KIAA1328: variants seen among roughly 807,000 people sequenced by gnomAD.
The protein encoded by KIAA1328 is protein hinderin.
A neutral mutation model predicts 68.1 loss-of-function variants in KIAA1328; 52 were observed. The ratio of observed to expected loss-of-function variants is 0.76; its 90% CI spans 0.61 to 0.96. KIAA1328 has a LOEUF of 0.96. Among genes scored for constraint, KIAA1328 ranks in the 40% least tolerant of loss-of-function variants. KIAA1328 has a pLI of 0.00. For synonymous variants in KIAA1328, 232 were observed against 239.4 expected, an observed-to-expected ratio of 0.97 and a Z score of 0.28; for missense variants, 641 against 677.6, an observed-to-expected ratio of 0.95 and a Z score of 0.60.
At chr18:37,196,006 G>A (rs2059997133) in intron 9 of KIAA1328, among the ~76,000 whole-genome samples, 1 of 151,952 alleles carries the variant, frequency 6.6e-6, no homozygotes, top group Admixed American at 6.6e-5. Context: ...TCCTTATAGA[G>A]ATCTTTCTTT....
chr18:37,190,620 AAG>A (rs1409097482), intron 9 of KIAA1328, among the ~76,000 whole-genome samples: 1 of 152,200 alleles, frequency 6.6e-6, no homozygotes, highest in Non-Finnish European at 1.5e-5. Context: ...TGAGCTAAGA[AAG>A]AGAGAAAGTT....
intron 7 of KIAA1328, among the ~76,000 whole-genome samples, chr18:37,088,608 A>G (rs1311757445): frequency 1.3e-5 from 2 of 151,872 alleles, no homozygotes; most frequent in East Asian, 1.9e-4. Flanking sequence ...GTTTATCTGT[A>G]TCTTTACTGA....
chr18:37,117,945 T>C (rs1408760007), intron 7 of KIAA1328, among the ~76,000 whole-genome samples: 1 of 151,068 alleles, frequency 6.6e-6, no homozygotes, highest in African/African-American at 2.4e-5. Context: ...CTTATAGCTC[T>C]TATAGTCCCC....
chr18:37,016,582 A>G (rs774460659), intron 6 of KIAA1328, among the ~76,000 whole-genome samples: 10 of 152,076 alleles, frequency 6.6e-5, no homozygotes, highest in Admixed American at 2.6e-4. Flanking sequence ...CTGTGAATCC[A>G]TCTGGTCTGG....
intron 5 of KIAA1328, among the ~76,000 whole-genome samples, chr18:36,928,754 C>T (rs543490884): frequency 5.9e-5 from 9 of 152,224 alleles, no homozygotes; most frequent in African/African-American, 2.2e-4. Context: ...GTTCTTTGAG[C>T]TTCTTTGGTC....
chr18:37,219,298 C>T (rs1272562355), intron 9 of KIAA1328, among the ~76,000 whole-genome samples: 1 of 152,234 alleles, frequency 6.6e-6, no homozygotes, highest in African/African-American at 2.4e-5. Flanking sequence ...CAGGGACCCA[C>T]TTGAGGCAGT....
chr18:37,056,446 T>C (rs2055910545), intron 6 of KIAA1328, among the ~76,000 whole-genome samples: 1 of 152,072 alleles, frequency 6.6e-6, no homozygotes. Context: ...CTTTTGTCAT[T>C]AGTTTCTTTT....
chr18:36,847,329 G>A (rs1254918858), intron 4 of KIAA1328, among the ~76,000 whole-genome samples: 2 of 151,330 alleles, frequency 1.3e-5, no homozygotes, highest in Non-Finnish European at 3.0e-5. Flanking sequence ...CTTCCCAACC[G>A]CTTCCCAATG....
chr18:36,856,002 A>T (rs1056313934), intron 4 of KIAA1328, among the ~76,000 whole-genome samples: 1 of 151,932 alleles, frequency 6.6e-6, no homozygotes, highest in African/African-American at 2.4e-5. Flanking sequence ...GATTTAAAAT[A>T]TGTCATTCTG....
intron 6 of KIAA1328, among the ~76,000 whole-genome samples, chr18:36,973,857 A>C (rs2052353709): frequency 6.6e-6 from 1 of 152,012 alleles, no homozygotes. Context: ...ACACATATAT[A>C]TCTTCAAAAA....
intron 5 of KIAA1328, among the ~76,000 whole-genome samples, chr18:36,908,358 C>T (rs1189081281): frequency 1.3e-5 from 2 of 151,886 alleles, no homozygotes; most frequent in African/African-American, 4.8e-5. Context: ...TTTTTGTTTT[C>T]ATGACTGGGT....
At chr18:37,164,626 G>A (rs2059348991) in intron 8 of KIAA1328, among the ~76,000 whole-genome samples, 1 of 152,118 alleles carries the variant, frequency 6.6e-6, no homozygotes, top group Admixed American at 6.5e-5. Context: ...CATACCTGTA[G>A]TCCCAGCTAC....
chr18:37,032,641 A>G (rs322647), intron 6 of KIAA1328, among the ~76,000 whole-genome samples: 136,524 of 151,820 alleles, frequency 0.9, 63,176 homozygotes, highest in East Asian at 1. Flanking sequence ...GGCTTTCATG[A>G]TTTGTTTGTT....
chr18:37,006,107 G>C (rs1568281837), intron 6 of KIAA1328, among the ~76,000 whole-genome samples: 1 of 143,848 alleles, frequency 7.0e-6, no homozygotes, highest in African/African-American at 2.5e-5. Flanking sequence ...ACCCTGACTT[G>C]AACACTAGGC....
chr18:36,984,615 A>G (rs1239388679), intron 6 of KIAA1328, among the ~76,000 whole-genome samples: 1 of 152,184 alleles, frequency 6.6e-6, no homozygotes, highest in East Asian at 1.9e-4. Flanking sequence ...GAACACCTAA[A>G]TAAAAAGACT....
chr18:36,957,842 A>G (rs903576170), intron 5 of KIAA1328, among the ~76,000 whole-genome samples: 1 of 152,126 alleles, frequency 6.6e-6, no homozygotes, highest in Non-Finnish European at 1.5e-5. Flanking sequence ...ACCCTTTTGA[A>G]CTATATAATT....
chr18:37,095,922 C>G (rs1335940628), intron 7 of KIAA1328, among the ~76,000 whole-genome samples: 1 of 152,034 alleles, frequency 6.6e-6, no homozygotes, highest in Non-Finnish European at 1.5e-5. Flanking sequence ...ACGCAGTGTA[C>G]CATAATTGAA....
At chr18:37,226,586 C>T (rs1414608345), downstream of KIAA1328, among the ~76,000 whole-genome samples, 2 of 152,120 alleles carry the variant, frequency 1.3e-5, no homozygotes, top group Non-Finnish European at 2.9e-5. Flanking sequence ...CACAGCATAA[C>T]GTTTTCAAGG....
At chr18:37,128,075 C>T (rs1161718856) in intron 7 of KIAA1328, among the ~76,000 whole-genome samples, 1 of 152,040 alleles carries the variant, frequency 6.6e-6, no homozygotes, top group Non-Finnish European at 1.5e-5. Flanking sequence ...TTAACTCACA[C>T]TTAAATATGT....
Sources: gnomAD v4.1 joint callset for allele counts (sites outside exome capture counted in the v4.1 genomes callset) on GRCh38, gnomAD v4.1.1 for gene constraint, MANE v1.5 for transcripts, NCBI Gene and HGNC (gene_info 2026-07-23, HGNC 2026-07-21) for gene names.